KRABD5: variants seen among roughly 807,000 people sequenced by gnomAD.
KRABD5 encodes the protein KRAB domain containing 5.
At chr16:31,726,479 G>A in the KRABD5 span, among the ~76,000 whole-genome samples, 1 of 152,146 alleles carries the variant, frequency 6.6e-6, no homozygotes, top group Non-Finnish European at 1.5e-5. Context: ...GAAATTTGGA[G>A]GCCAGATGCA....
the KRABD5 span, among the ~76,000 whole-genome samples, chr16:31,726,372 C>T: frequency 1.3e-5 from 2 of 152,212 alleles, no homozygotes; most frequent in East Asian, 3.9e-4. Flanking sequence ...ATTAGTATAG[C>T]TTTGTAATAG....
the KRABD5 span, among the ~76,000 whole-genome samples, chr16:31,753,554 C>CT: frequency 5.3e-5 from 8 of 152,160 alleles, no homozygotes; most frequent in Non-Finnish European, 1.2e-4. Flanking sequence ...CCATTCTTGG[C>CT]TTTGTGTTCA....
At chr16:31,737,898 C>A in the KRABD5 span, among the ~76,000 whole-genome samples, 3 of 152,120 alleles carry the variant, frequency 2.0e-5, no homozygotes, top group South Asian at 6.2e-4. Context: ...TACATTGAAT[C>A]TGTAGATCAC....
chr16:31,759,488 T>C, the KRABD5 span: 1 of 1,363,222 alleles, frequency 7.3e-7, no homozygotes, highest in Non-Finnish European at 1.0e-6. Context: ...ATGGGTCTAT[T>C]TATTTGTCTA....
At chr16:31,758,336 G>A in the KRABD5 span, 3 of 152,038 alleles carry the variant, frequency 2.0e-5, no homozygotes, top group African/African-American at 7.2e-5. Flanking sequence ...AAGGAAAGAA[G>A]GAATGAAATC....
chr16:31,722,072 T>G, the KRABD5 span, among the ~76,000 whole-genome samples: 1 of 143,646 alleles, frequency 7.0e-6, no homozygotes, highest in Non-Finnish European at 1.5e-5. Flanking sequence ...TTGTTTTTTG[T>G]TTTTTTGTTT....
At chr16:31,749,213 T>G in the KRABD5 span, among the ~76,000 whole-genome samples, 3 of 152,056 alleles carry the variant, frequency 2.0e-5, no homozygotes, top group East Asian at 5.8e-4. Context: ...ATGGCCTGGG[T>G]CAGGCCTGAA....
At chr16:31,745,040 A>G in the KRABD5 span, among the ~76,000 whole-genome samples, 4 of 152,068 alleles carry the variant, frequency 2.6e-5, no homozygotes, top group Non-Finnish European at 4.4e-5. Flanking sequence ...CTAGTGGTCA[A>G]TCTATTTTGT....
At chr16:31,754,766 A>G in the KRABD5 span, 1 of 462,160 alleles carries the variant, frequency 2.2e-6, no homozygotes, top group South Asian at 1.6e-5. Flanking sequence ...AAGAAAACAT[A>G]AGATAATCCA....
the KRABD5 span, chr16:31,753,707 T>A: frequency 7.2e-7 from 1 of 1,391,944 alleles, no homozygotes; most frequent in Non-Finnish European, 9.5e-7. Context: ...ATTAGATTTA[T>A]AAAGTATTTT....
chr16:31,748,959 C>G, the KRABD5 span, among the ~76,000 whole-genome samples: 86 of 152,160 alleles, frequency 5.7e-4, no homozygotes, highest in Non-Finnish European at 1.1e-3. Context: ...GGAATAGGAC[C>G]CATTTAATGA....
chr16:31,722,708 A>G, the KRABD5 span: 3 of 1,612,632 alleles, frequency 1.9e-6, no homozygotes, highest in East Asian at 2.2e-5. Flanking sequence ...AAGCTTTTAT[A>G]TGGGGATGTG....
the KRABD5 span, among the ~76,000 whole-genome samples, chr16:31,735,482 C>T: frequency 6.6e-6 from 1 of 152,248 alleles, no homozygotes; most frequent in Non-Finnish European, 1.5e-5. Context: ...TTTCAGGAAC[C>T]TCCATACTCT....
the KRABD5 span, chr16:31,713,637 C>A: frequency 1.5e-6 from 1 of 677,984 alleles, no homozygotes. Context: ...CCCCGCAGAG[C>A]GACCTCTGCC....
At chr16:31,715,984 C>T in the KRABD5 span, among the ~76,000 whole-genome samples, 49 of 152,288 alleles carry the variant, frequency 3.2e-4, 1 homozygote, top group East Asian at 9.3e-3. Flanking sequence ...ACCCCTGCCC[C>T]CACTGTGCTG....
At chr16:31,719,882 C>G in the KRABD5 span, among the ~76,000 whole-genome samples, 2 of 152,198 alleles carry the variant, frequency 1.3e-5, no homozygotes, top group Admixed American at 6.5e-5. Context: ...GTAACAAAGT[C>G]AATGTAAAGA....
At chr16:31,749,664 A>T in the KRABD5 span, among the ~76,000 whole-genome samples, 2 of 152,144 alleles carry the variant, frequency 1.3e-5, no homozygotes, top group African/African-American at 4.8e-5. Flanking sequence ...TAGCACACTC[A>T]CACACTGACT....
At chr16:31,750,251 T>C in the KRABD5 span, among the ~76,000 whole-genome samples, 1 of 152,220 alleles carries the variant, frequency 6.6e-6, no homozygotes, top group Non-Finnish European at 1.5e-5. Context: ...TTTAACCTCA[T>C]TGGTTAGATC....
At chr16:31,756,300 A>G in the KRABD5 span, 16 of 152,130 alleles carry the variant, frequency 1.1e-4, no homozygotes, top group Non-Finnish European at 1.8e-4. Context: ...TATAGTACAT[A>G]TTTAGGGCAT....
Sources: allele counts gnomAD v4.1 joint callset (sites outside exome capture counted in the v4.1 genomes callset), GRCh38; gene constraint gnomAD v4.1.1; transcripts MANE v1.5; gene names NCBI Gene and HGNC (gene_info 2026-07-23, HGNC 2026-07-21).